The following NEIL3 variants were observed in gnomAD, a reference collection of about 807,000 sequenced individuals.
NEIL3 encodes the protein endonuclease 8-like 3.
Under a neutral mutation model 57.5 loss-of-function variants are expected in NEIL3, and 48 were observed. The observed-to-expected ratio is 0.83, with a 90% CI of 0.66 to 1.06. NEIL3 has a LOEUF of 1.06. Among genes scored for constraint, NEIL3 ranks in the 50% least tolerant of loss-of-function variants. The pLI is 0.00. For missense variants in NEIL3, 717 were observed against 739.1 expected (o/e 0.97, Z 0.35); for synonymous variants, 261 against 253.2 (o/e 1.03, Z -0.29).
chr4:177,362,597 G>T lies in NEIL3; in HGVS notation c.*126G>T. 4.2e-6 allele frequency: 3 copies of T among 710,514 alleles called. No homozygotes were observed. Among genetic ancestry groups the T allele is most frequent in the South Asian group, 2.8e-5 (1 of 35,510 alleles). 44.0% of individuals were successfully genotyped at this position (710,514 alleles called of 1,614,324 possible). ...AAAGTTACTGCAATATTTGAGAACT[G>T]TTCTTTTTTTTTCTTGTGTGTGCCA... On this transcript the variant is annotated 3_prime_UTR_variant, in exon 10 of 10. Coordinates refer to ENST00000264596, the MANE Select transcript of NEIL3 (RefSeq NM_018248.3).
rs34353849 is a variant in NEIL3, at chr4:177,320,466, CTTTTTTTTTTTTTT to C, written c.157-1977_157-1964del. Among the ~76,000 whole-genome samples, 7 of 77,456 alleles carry C rather than the reference CTTTTTTTTTTTTTT, an allele frequency of 9.0e-5. No homozygotes were observed. The South Asian group carries it at 3.4e-3, about 38-fold the overall frequency. 50.8% of individuals were successfully genotyped at this position (77,456 alleles called of 152,430 possible). On this transcript the variant is annotated intron_variant, in intron 1 of 9. Transcript: ENST00000264596. Reference sequence around the variant, plus strand: ...GTGCAGAACAGGAAGTGACTGCTGTCTTTTTTTTTTTTTTTTTTTTTTTTTTTTTGAAACGGAGT... The same window carrying C: ...GTGCAGAACAGGAAGTGACTGCTGTCTTTTTTTTTTTTTTTGAAACGGAGT...
chr4:177,363,367 C>T (rs1481030013), downstream of NEIL3, among the ~76,000 whole-genome samples: 1 of 152,174 alleles, frequency 6.6e-6, no homozygotes, highest in Non-Finnish European at 1.5e-5. Flanking sequence ...TATGAAATTA[C>T]TGGCAAGAAC....
intron 1 of NEIL3, among the ~76,000 whole-genome samples, chr4:177,312,588 T>G (rs570892773): frequency 6.6e-6 from 1 of 152,290 alleles, no homozygotes; most frequent in Admixed American, 6.5e-5. Flanking sequence ...ATAATACAAA[T>G]GCGTCAGTAA....
chr4:177,368,006 C>G, the NEIL3 span, among the ~76,000 whole-genome samples: 3 of 152,140 alleles, frequency 2.0e-5, no homozygotes, highest in Non-Finnish European at 2.9e-5. Context: ...TCACACAAGC[C>G]ATGGTTTGAA....
At chr4:177,346,074 T>G (rs1415112286) in intron 6 of NEIL3, among the ~76,000 whole-genome samples, 1 of 152,190 alleles carries the variant, frequency 6.6e-6, no homozygotes, top group Admixed American at 6.5e-5. Flanking sequence ...GAACAAATTT[T>G]GCCCCTACAT....
intron 1 of NEIL3, among the ~76,000 whole-genome samples, chr4:177,315,021 A>G (rs886454878): frequency 6.7e-5 from 10 of 149,476 alleles, no homozygotes; most frequent in African/African-American, 2.5e-4. Flanking sequence ...GTGAGCCGAG[A>G]TCGCGCCACT....
At chr4:177,354,940 T>C (rs1435063646) in intron 8 of NEIL3, among the ~76,000 whole-genome samples, 1 of 152,244 alleles carries the variant, frequency 6.6e-6, no homozygotes. Context: ...TCACCTGTGA[T>C]ACAGAAATTT....
At chr4:177,339,939 G>A in intron 5 of NEIL3, 82 bp downstream of exon 5, 1 of 848,586 alleles carries the variant, frequency 1.2e-6, no homozygotes, top group Non-Finnish European at 2.0e-6. Flanking sequence ...TGTGAAAGCT[G>A]TATATAGCCA....
At chr4:177,324,825 G>T (rs1734748907) in intron 2 of NEIL3, among the ~76,000 whole-genome samples, 1 of 152,116 alleles carries the variant, frequency 6.6e-6, no homozygotes, top group Non-Finnish European at 1.5e-5. Flanking sequence ...TGCATACAAT[G>T]CCACATTGCC....
intron 2 of NEIL3, among the ~76,000 whole-genome samples, chr4:177,329,653 G>T (rs1734845339): frequency 6.6e-6 from 1 of 152,158 alleles, no homozygotes; most frequent in African/African-American, 2.4e-5. Flanking sequence ...GTCAGTAACT[G>T]ATAGAACAAG....
intron 8 of NEIL3, among the ~76,000 whole-genome samples, chr4:177,354,610 G>A (rs911165145): frequency 2.0e-5 from 3 of 151,996 alleles, no homozygotes; most frequent in South Asian, 2.1e-4. Flanking sequence ...GAGTGCAATG[G>A]CACAATCTTG....
chr4:177,336,752 A>G (rs1734986766), intron 4 of NEIL3, among the ~76,000 whole-genome samples: 1 of 152,186 alleles, frequency 6.6e-6, no homozygotes, highest in Admixed American at 6.5e-5. Flanking sequence ...TTAGATATTA[A>G]TATTTGTGGA....
intron 8 of NEIL3, among the ~76,000 whole-genome samples, chr4:177,358,913 A>G (rs1735544882): frequency 6.6e-6 from 1 of 152,226 alleles, no homozygotes; most frequent in African/African-American, 2.4e-5. Context: ...GCATCATTTC[A>G]TTAATTTTGT....
chr4:177,314,140 A>G (rs903032814), intron 1 of NEIL3, among the ~76,000 whole-genome samples: 2 of 152,218 alleles, frequency 1.3e-5, no homozygotes, highest in African/African-American at 2.4e-5. Context: ...CATGCATTAT[A>G]TACTTCCTTA....
At chr4:177,348,956 C>G (rs1735291587) in intron 6 of NEIL3, among the ~76,000 whole-genome samples, 1 of 147,508 alleles carries the variant, frequency 6.8e-6, no homozygotes, top group Non-Finnish European at 1.5e-5. Context: ...CAAGCTCCGC[C>G]TCCCGGGTTC....
At chr4:177,319,167 T>G (rs1252334039) in intron 1 of NEIL3, among the ~76,000 whole-genome samples, 2 of 152,202 alleles carry the variant, frequency 1.3e-5, no homozygotes, top group Admixed American at 6.5e-5. Context: ...ACTGTCTTAT[T>G]AGGTGTTGTG....
At chr4:177,364,247 C>T (rs1339689425), downstream of NEIL3, among the ~76,000 whole-genome samples, 1 of 152,130 alleles carries the variant, frequency 6.6e-6, no homozygotes, top group Non-Finnish European at 1.5e-5. Context: ...CCAGCTGAAC[C>T]CAACCTCCCC....
the NEIL3 span, among the ~76,000 whole-genome samples, chr4:177,368,977 A>T: frequency 1.3e-5 from 2 of 152,220 alleles, no homozygotes; most frequent in Admixed American, 1.3e-4. Context: ...AATGCCCATG[A>T]CTTTGTACCT....
chr4:177,322,506 T>C lies in NEIL3; in HGVS notation c.204T>C (p.Phe68=). ...NDSSQNVLSL[F]NGYVYSGVET... ...CCAGCCAGAATGTCTTGAGCCTGTT[T>C]AATGGATATGTTTACAGTGGCGTGG... Residue 68 remains phenylalanine, a synonymous_variant, in exon 2 of 10, where the codon TTT becomes TTC. Transcript: ENST00000264596. 6.2e-7 allele frequency: 1 copy of C among 1,614,022 alleles called. No individual in the cohort carries two copies. Among genetic ancestry groups the C allele is most frequent in the Non-Finnish European group, 8.5e-7 (1 of 1,179,904 alleles).
Sources: gnomAD v4.1 joint callset for allele counts (sites outside exome capture counted in the v4.1 genomes callset) on GRCh38, gnomAD v4.1.1 for gene constraint, MANE v1.5 for transcripts, NCBI Gene and HGNC (gene_info 2026-07-23, HGNC 2026-07-21) for gene names.